Variants in RBM45 observed in about 807,000 individuals in gnomAD.
RBM45 encodes RNA binding motif protein 45, also known as RNA-binding protein 45.
A neutral mutation model predicts 58.5 loss-of-function variants in RBM45; 39 were observed. That is an observed-to-expected ratio of 0.67 (90% CI 0.52 to 0.87). RBM45 has a LOEUF of 0.87. RBM45 is among the 40% of genes least tolerant of loss of function. The pLI, the probability that RBM45 is intolerant of heterozygous loss-of-function variation, is 0.00. For missense variants in RBM45, 481 were observed against 581.6 expected (o/e 0.83, Z 1.78); for synonymous variants, 193 against 203.0 (o/e 0.95, Z 0.42).
At chr2:178,134,831 CA>C (rs2088032442) in intron 3 of RBM45, among the ~76,000 whole-genome samples, 1 of 151,864 alleles carries the variant, frequency 6.6e-6, no homozygotes, top group Non-Finnish European at 1.5e-5. Context: ...GTCTCTACTA[CA>C]AAAAAATTAC....
downstream of RBM45, among the ~76,000 whole-genome samples, chr2:178,132,573 G>T (rs115113263): frequency 6.7e-6 from 1 of 150,220 alleles, no homozygotes; most frequent in Admixed American, 6.7e-5. Context: ...CTAAAACTGC[G>T]GTTCTTTTTT....
At chr2:178,115,717 C>T (rs1450997440) in intron 1 of RBM45, among the ~76,000 whole-genome samples, 1 of 152,096 alleles carries the variant, frequency 6.6e-6, no homozygotes, top group Non-Finnish European at 1.5e-5. Context: ...GAAAAAGAAA[C>T]AAACAATGCA....
At chr2:178,116,420 CAT>C in intron 2 of RBM45, 36 bp downstream of exon 2, 1 of 1,561,272 alleles carries the variant, frequency 6.4e-7, no homozygotes, top group Non-Finnish European at 8.7e-7. Flanking sequence ...TGTGATAACT[CAT>C]AGTCCTGCAT....
At chr2:178,127,477 C>T (rs540601845) in intron 9 of RBM45, among the ~76,000 whole-genome samples, 7 of 152,322 alleles carry the variant, frequency 4.6e-5, no homozygotes, top group African/African-American at 1.7e-4. Context: ...CCCTTCCTCT[C>T]CTAGAACAGA....
At chr2:178,116,047 G>A (rs1156837221) in intron 1 of RBM45, among the ~76,000 whole-genome samples, 1 of 151,856 alleles carries the variant, frequency 6.6e-6, no homozygotes, top group Non-Finnish European at 1.5e-5. Flanking sequence ...AGCTACTTGG[G>A]AGGCTGAGGT....
rs536444152 is a variant in RBM45 at position 178,128,252 on chromosome 2, G to A, written c.*9-1145G>A. Among the ~76,000 whole-genome samples, 21 of 151,778 alleles carry A rather than the reference G, an allele frequency of 1.4e-4. No individual in the cohort carries two copies. In the South Asian group the frequency reaches 2.5e-3, roughly 18 times the overall value. On this transcript the variant is annotated intron_variant, in intron 9 of 9. Coordinates refer to ENST00000286070, the MANE Select transcript of RBM45 (RefSeq NM_152945.4). ...TAAGCTCAAGTCATCTGCCTTCCTC[G>A]GCCTCCCAAAGTGCTGGGATTACAG...
chr2:178,130,267 T>C (rs2087993056), downstream of RBM45, among the ~76,000 whole-genome samples: 1 of 152,120 alleles, frequency 6.6e-6, no homozygotes. Flanking sequence ...ACACTTATAA[T>C]CCTGGCACTT....
At position 178,116,391 on chromosome 2, in the gene RBM45, A is replaced by T; in HGVS notation, c.423+7A>T. 1 of 1,600,728 alleles carries T rather than the reference A, an allele frequency of 6.2e-7. No individual in the cohort carries two copies. Among genetic ancestry groups the T allele is most frequent in the African/African-American group, 1.4e-5 (1 of 73,948 alleles). ...TCTGCGGGAAAAATTTAAGGTATTT[A>T]TTCTAATCAGCTAGCATATGTGATA... On this transcript the variant is annotated splice_region_variant and intron_variant, in intron 2 of 9. Coordinates refer to ENST00000286070, the MANE Select transcript of RBM45 (RefSeq NM_152945.4).
chr2:178,122,357 T>TA (rs2087864973), intron 5 of RBM45, among the ~76,000 whole-genome samples: 1 of 152,022 alleles, frequency 6.6e-6, no homozygotes, highest in Non-Finnish European at 1.5e-5. Flanking sequence ...GACATAGAAG[T>TA]AGTGACGTGA....
At chr2:178,131,539 G>A (rs1182149247), downstream of RBM45, among the ~76,000 whole-genome samples, 1 of 152,128 alleles carries the variant, frequency 6.6e-6, no homozygotes, top group African/African-American at 2.4e-5. Flanking sequence ...AAATGATCCC[G>A]GTTTCTCCCT....
At chr2:178,132,737 C>T (rs368474641), downstream of RBM45, among the ~76,000 whole-genome samples, 215 of 152,224 alleles carry the variant, frequency 1.4e-3, no homozygotes, top group South Asian at 7.3e-3. Context: ...ATTACAGGCA[C>T]GTGCCACCAC....
chr2:178,129,567 A>G lies in RBM45; in HGVS notation c.*179A>G, dbSNP rs546660177. On this transcript the variant is annotated 3_prime_UTR_variant, in exon 10 of 10. Transcript: ENST00000286070. ...TGCTGACATGTATTTTTGAATCCAT[A>G]CATTAATGCTAAAACGAATATAGTA... 4.6e-5 allele frequency: 7 copies of G among 152,798 alleles called. No homozygotes were observed. The highest frequency in any genetic ancestry group is 7.3e-5 in the Non-Finnish European group (5 of 68,036). The allele number at this position is 152,798 out of a possible 1,614,324, so 9.5% of individuals were successfully genotyped here. A position where few individuals can be genotyped will look rare whatever the true frequency, so the allele number is the denominator to read the frequency against.
intron 5 of RBM45, among the ~76,000 whole-genome samples, chr2:178,122,088 A>G (rs1206161887): frequency 1.3e-5 from 2 of 152,180 alleles, no homozygotes; most frequent in Non-Finnish European, 2.9e-5. Flanking sequence ...CAACTTGCTT[A>G]TCCCCTCTGA....
chr2:178,126,253 C>G, intron 9 of RBM45, 69 bp downstream of exon 9: 1 of 940,410 alleles, frequency 1.1e-6, no homozygotes, highest in Non-Finnish European at 1.5e-6. Flanking sequence ...TGTGTAAGTA[C>G]TTTATAAACT....
chr2:178,132,388 T>G (rs1168971826), downstream of RBM45, among the ~76,000 whole-genome samples: 1 of 152,230 alleles, frequency 6.6e-6, no homozygotes, highest in Non-Finnish European at 1.5e-5. Flanking sequence ...TCTAAAATTT[T>G]AGCTTTCTCT....
chr2:178,112,505 G>A lies in RBM45; in HGVS notation c.-42G>A, dbSNP rs1358915647. 2.6e-6 allele frequency: 4 copies of A among 1,568,472 alleles called. No individual in the cohort carries two copies. Among genetic ancestry groups the A allele is most frequent in the Non-Finnish European group, 3.5e-6 (4 of 1,149,568 alleles). On this transcript the variant is annotated 5_prime_UTR_variant, in exon 1 of 10. Coordinates refer to ENST00000286070, the MANE Select transcript of RBM45 (RefSeq NM_152945.4). Reference sequence around the variant, plus strand: ...GACAGCAGCGGTGGCAGACACCGCAGAAGCAAAGAGCAGTGAGGCTCCTGC... The same window carrying A: ...GACAGCAGCGGTGGCAGACACCGCAAAAGCAAAGAGCAGTGAGGCTCCTGC...
chr2:178,114,900 C>T (rs2087752708), intron 1 of RBM45, among the ~76,000 whole-genome samples: 1 of 152,178 alleles, frequency 6.6e-6, no homozygotes, highest in Admixed American at 6.5e-5. Flanking sequence ...TAGTTTCATT[C>T]AGCAGCTGCA....
chr2:178,126,831 A>G (rs1049028835), intron 9 of RBM45, among the ~76,000 whole-genome samples: 1 of 152,198 alleles, frequency 6.6e-6, no homozygotes, highest in African/African-American at 2.4e-5. Flanking sequence ...CAGCCATATG[A>G]ATTCCATTTC....
chr2:178,113,800 G>A (rs2087735366), intron 1 of RBM45, among the ~76,000 whole-genome samples: 1 of 152,148 alleles, frequency 6.6e-6, no homozygotes, highest in Non-Finnish European at 1.5e-5. Flanking sequence ...GTAAATAGTT[G>A]CTGTGTATGT....
Sources: allele counts gnomAD v4.1 joint callset (sites outside exome capture counted in the v4.1 genomes callset), GRCh38; gene constraint gnomAD v4.1.1; transcripts MANE v1.5; gene names NCBI Gene and HGNC (gene_info 2026-07-23, HGNC 2026-07-21).